Variants in TRUB2 observed in about 807,000 individuals in gnomAD.
The protein encoded by TRUB2 is TruB pseudouridine synthase family member 2.
A neutral mutation model predicts 31.9 loss-of-function variants in TRUB2; 31 were observed. The ratio of observed to expected loss-of-function variants is 0.97; its 90% confidence interval spans 0.73 to 1.31. The LOEUF (loss-of-function observed/expected upper bound fraction) is 1.31. Ranked by LOEUF, TRUB2 falls within the 50% of genes most tolerant of loss-of-function variation. The pLI is 0.00. For missense variants in TRUB2, 451 were observed against 439.6 expected (o/e 1.03, Z -0.23); for synonymous variants, 201 against 182.6 (o/e 1.10, Z -0.81).
At chr9:128,321,847 A>C (rs1935242042) in intron 1 of TRUB2, 117 bp from the exon 2 acceptor site, 1 of 1,141,000 alleles carries the variant, frequency 8.8e-7, no homozygotes, top group Admixed American at 2.3e-5. Flanking sequence ...TGGCGCCATC[A>C]TAGCTCACTG....
intron 1 of TRUB2, 89 bp downstream of exon 1, chr9:128,322,211 G>T: frequency 9.1e-7 from 1 of 1,095,218 alleles, no homozygotes; most frequent in South Asian, 1.3e-5. Flanking sequence ...AATAGGTCAC[G>T]TGATTTTGTT....
rs1832187336 is a variant in TRUB2 at position 128,321,848 on chromosome 9, T to C, written c.110-118A>G. ...AGGCTGAAGTGCAATGGCGCCATCA[T>C]AGCTCACTGTAACGTCAAACTCTTG... On this transcript the variant is annotated intron_variant, in intron 1 of 7. Coordinates refer to ENST00000372890, the MANE Select transcript of TRUB2 (RefSeq NM_015679.3). The C allele has an allele frequency of 1.5e-5, 17 of 1,118,208 alleles. No homozygotes were observed. In the East Asian group the frequency reaches 4.2e-4, roughly 27 times the overall value. The allele number at this position is 1,118,208 out of a possible 1,614,324, so 69.3% of individuals were successfully genotyped here. A position where few individuals can be genotyped will look rare whatever the true frequency, so the allele number is the denominator to read the frequency against.
chr9:128,316,173 T>C (rs1281694331), intron 3 of TRUB2, among the ~76,000 whole-genome samples: 1 of 144,788 alleles, frequency 6.9e-6, no homozygotes, highest in Admixed American at 7.1e-5. Flanking sequence ...TAACCAGGTG[T>C]GGTGCTACAC....
rs984941583 is a variant in TRUB2 at position 128,309,226 on chromosome 9, C to T, written c.*324G>A. ...GAGTGCAGTGGCTATTCACAGGCGC[C>T]GTCTAGCGCACTACAACCTTAAACT... On this transcript the variant is annotated 3_prime_UTR_variant, in exon 8 of 8. Coordinates refer to ENST00000372890, the MANE Select transcript of TRUB2 (RefSeq NM_015679.3). 1.4e-5 allele frequency: 4 copies of T among 283,204 alleles called. No individual in the cohort carries two copies. The highest frequency in any genetic ancestry group is 4.3e-5 in the African/African-American group (2 of 46,926). The allele number at this position is 283,204 out of a possible 1,614,324, so 17.5% of individuals were successfully genotyped here. A position where few individuals can be genotyped will look rare whatever the true frequency, so the allele number is the denominator to read the frequency against.
intron 2 of TRUB2, among the ~76,000 whole-genome samples, chr9:128,320,543 G>T (rs1832147412): frequency 6.6e-6 from 1 of 152,010 alleles, no homozygotes; most frequent in African/African-American, 2.4e-5. Flanking sequence ...TGTTGGCCAG[G>T]CTGGTCTCGA....
In TRUB2 at chr9:128,309,637, G is replaced by C. The variant is rs145934963; in HGVS notation, c.909C>G (p.Asp303Glu). The C allele has an allele frequency of 6.2e-7, 1 of 1,614,124 alleles. No homozygotes were observed. Residue 303 changes from aspartate to glutamate, a missense_variant, in exon 8 of 8, where the codon GAC (aspartate) becomes GAG (glutamate). Coordinates refer to ENST00000372890, the MANE Select transcript of TRUB2 (RefSeq NM_015679.3). ...ELEKSLSPGL[D>E]TKQLPSPGWS... is the part of the protein sequence containing the mutation. ...ATCCCGGACTGGGGAGCTGCTTGGTGTCCAGCCCCGGGCTCAAGCTCTTCT... is the reference window on the plus strand; with the variant it reads ...ATCCCGGACTGGGGAGCTGCTTGGTCTCCAGCCCCGGGCTCAAGCTCTTCT...
Position 128,315,645 on chromosome 9 carries a change from G to C in TRUB2, c.317-17C>G. 1 of 1,611,488 alleles carries C rather than the reference G, an allele frequency of 6.2e-7. No individual in the cohort carries two copies. Among genetic ancestry groups the C allele is most frequent in the Non-Finnish European group, 8.5e-7 (1 of 1,178,860 alleles). The stretch of plus-strand genomic sequence containing the variant: ...CGCCGAGCACTGAAAAGCAGCCAGC[G>C]TCATCTCACACCTGGGACCCCCTTC... On this transcript the variant is annotated splice_polypyrimidine_tract_variant and intron_variant, in intron 3 of 7. Coordinates refer to ENST00000372890, the MANE Select transcript of TRUB2 (RefSeq NM_015679.3).
At chr9:128,313,491 G>A (rs1351819263) in intron 5 of TRUB2, among the ~76,000 whole-genome samples, 5 of 147,166 alleles carry the variant, frequency 3.4e-5, no homozygotes, top group Middle Eastern at 3.5e-3. Context: ...AGCTGAGATC[G>A]TGCCACTGCA....
chr9:128,317,743 A>T (rs1455518635), intron 2 of TRUB2, among the ~76,000 whole-genome samples: 2 of 152,202 alleles, frequency 1.3e-5, no homozygotes, highest in Admixed American at 1.3e-4. Flanking sequence ...ACTAAATGTC[A>T]ACACTGAGCC....
chr9:128,313,772 CGGAG>C, intron 5 of TRUB2, 32 bp downstream of exon 5: 1 of 1,596,464 alleles, frequency 6.3e-7, no homozygotes, highest in East Asian at 2.2e-5. Flanking sequence ...AAAGCAAATG[CGGAG>C]GGAGGCAGCG....
intron 1 of TRUB2, among the ~76,000 whole-genome samples, chr9:128,322,000 G>T (rs1448850912): frequency 6.6e-6 from 1 of 152,218 alleles, no homozygotes; most frequent in Admixed American, 6.5e-5. Context: ...GAAGTATGAT[G>T]TAGAAGACAA....
At chr9:128,314,586 G>C (rs1279084343) in intron 4 of TRUB2, among the ~76,000 whole-genome samples, 4 of 151,974 alleles carry the variant, frequency 2.6e-5, no homozygotes, top group Non-Finnish European at 5.9e-5. Flanking sequence ...TGCGCCACCA[G>C]CCTGGCTAAT....
chr9:128,313,081 G>C (rs977047991), intron 5 of TRUB2, among the ~76,000 whole-genome samples: 1 of 152,040 alleles, frequency 6.6e-6, no homozygotes, highest in East Asian at 2.0e-4. Context: ...GCTGGGTGTG[G>C]TGGTGTGCAC....
intron 2 of TRUB2, 61 bp from the exon 3 acceptor site, chr9:128,317,287 G>T: frequency 6.7e-7 from 1 of 1,491,168 alleles, no homozygotes; most frequent in Non-Finnish European, 9.2e-7. Flanking sequence ...ATGGCTTTGG[G>T]CTGCATGTTG....
In TRUB2 at chr9:128,311,559, A is replaced by C; in HGVS notation, c.503T>G (p.Ile168Ser). ...REKLDRILAV[I>S]QGSHQKALVM... ...CAGGGCCTTCTGATGGGAGCCTTGG[A>C]TAACGGCCAGAATGCGGTCCAGCTT... The change falls in exon 6 of 8, where the codon ATC becomes AGC. Residue 168 changes from isoleucine to serine, a missense_variant. Transcript: ENST00000372890. 6.2e-7 allele frequency: 1 copy of C among 1,614,120 alleles called. No individual in the cohort carries two copies. The highest frequency in any genetic ancestry group is 1.6e-4 in the Middle Eastern group (1 of 6,062).
chr9:128,308,898 A>G lies in TRUB2; in HGVS notation c.*652T>C, dbSNP rs941769766. 1 of 152,282 alleles carries G rather than the reference A, an allele frequency of 6.6e-6. No individual in the cohort carries two copies. Among genetic ancestry groups the G allele is most frequent in the African/African-American group, 2.4e-5 (1 of 41,448 alleles). The allele number at this position is 152,282 out of a possible 1,614,324, so 9.4% of individuals were successfully genotyped here. A position where few individuals can be genotyped will look rare whatever the true frequency, so the allele number is the denominator to read the frequency against. On this transcript the variant is annotated 3_prime_UTR_variant, in exon 8 of 8. Coordinates refer to ENST00000372890, the MANE Select transcript of TRUB2 (RefSeq NM_015679.3). ...TGCACTCCAGCCTGGGCAACAACAG[A>G]AAAACAACAAAAATCATCTCATTTT...
At chr9:128,318,062 G>A (rs925048432) in intron 2 of TRUB2, among the ~76,000 whole-genome samples, 2 of 152,068 alleles carry the variant, frequency 1.3e-5, no homozygotes, top group Non-Finnish European at 2.9e-5. Flanking sequence ...TCACTCTTTC[G>A]GCTGGGCGCA....
intron 5 of TRUB2, 68 bp from the exon 6 acceptor site, chr9:128,311,669 C>T: frequency 1.9e-6 from 3 of 1,548,592 alleles, no homozygotes; most frequent in South Asian, 1.1e-5. Flanking sequence ...AACTCCTTCC[C>T]CCCAGGCCAG....
chr9:128,314,768 G>C (rs1375486910), intron 4 of TRUB2, among the ~76,000 whole-genome samples: 1 of 151,884 alleles, frequency 6.6e-6, no homozygotes, highest in African/African-American at 2.4e-5. Context: ...AATAGAGATG[G>C]AGTCTTGCTA....
Sources: allele counts gnomAD v4.1 joint callset (sites outside exome capture counted in the v4.1 genomes callset), GRCh38; gene constraint gnomAD v4.1.1; transcripts MANE v1.5; gene names NCBI Gene and HGNC (gene_info 2026-07-23, HGNC 2026-07-21).